The following CGRRF1 variants were observed in gnomAD, a reference collection of about 807,000 sequenced individuals.
CGRRF1 encodes cell growth regulator with ring finger domain 1.
Under a neutral mutation model 37.2 loss-of-function variants are expected in CGRRF1, and 32 were observed. The ratio of observed to expected loss-of-function variants is 0.86; its 90% confidence interval spans 0.65 to 1.16. CGRRF1 has a LOEUF of 1.16. Among genes scored for constraint, CGRRF1 ranks in the 50% most tolerant of loss-of-function variants. The pLI, the probability that CGRRF1 is intolerant of heterozygous loss-of-function variation, is 0.00. For missense variants in CGRRF1, 391 were observed against 382.6 expected, an observed-to-expected ratio of 1.02 and a Z score of -0.18; for synonymous variants, 141 against 140.3, an observed-to-expected ratio of 1.00 and a Z score of -0.04.
intron 1 of CGRRF1, among the ~76,000 whole-genome samples, chr14:54,513,613 T>TATGTA (rs1171468758): frequency 8.2e-5 from 5 of 61,312 alleles, no homozygotes; most frequent in South Asian, 4.3e-4. Flanking sequence ...TATGTTATGT[T>TATGTA]ATGTAATGTT....
At chr14:54,532,862 C>T (rs1167548507) in intron 4 of CGRRF1, among the ~76,000 whole-genome samples, 1 of 152,004 alleles carries the variant, frequency 6.6e-6, no homozygotes, top group African/African-American at 2.4e-5. Context: ...TAAATAAAAC[C>T]TGTTAAATTG....
chr14:54,531,085 A>C, intron 4 of CGRRF1, 35 bp downstream of exon 4: 1 of 1,467,876 alleles, frequency 6.8e-7, no homozygotes, highest in Non-Finnish European at 9.4e-7. Flanking sequence ...CATTACCTTT[A>C]AGTGATTTGA....
intron 4 of CGRRF1, among the ~76,000 whole-genome samples, chr14:54,533,991 A>G (rs1466827111): frequency 6.6e-6 from 1 of 152,192 alleles, no homozygotes; most frequent in Non-Finnish European, 1.5e-5. Flanking sequence ...ATTTTATACT[A>G]TTTTGTGACC....
At chr14:54,525,259 G>T (rs1594652135) in intron 2 of CGRRF1, among the ~76,000 whole-genome samples, 2 of 152,208 alleles carry the variant, frequency 1.3e-5, no homozygotes, top group East Asian at 3.8e-4. Context: ...CTGATACATT[G>T]TGAGCAAAAC....
At chr14:54,527,330 TG>T (rs1164507670) in intron 2 of CGRRF1, among the ~76,000 whole-genome samples, 1 of 152,198 alleles carries the variant, frequency 6.6e-6, no homozygotes, top group East Asian at 1.9e-4. Context: ...TGGACAAGTT[TG>T]TAAAAGATTA....
At chr14:54,537,633 G>A (rs1030962722) in intron 4 of CGRRF1, 89 bp from the exon 5 acceptor site, 19 of 1,287,358 alleles carry the variant, frequency 1.5e-5, no homozygotes, top group South Asian at 7.0e-5. Flanking sequence ...AGAAGACAGT[G>A]TCTAGAAGCA....
chr14:54,512,188 G>T (rs2032140483), intron 1 of CGRRF1, among the ~76,000 whole-genome samples: 1 of 152,066 alleles, frequency 6.6e-6, no homozygotes, highest in Non-Finnish European at 1.5e-5. Context: ...TGTGTTTTCT[G>T]TCATGGTTTT....
chr14:54,538,072 A>G lies in CGRRF1; in HGVS notation c.688A>G (p.Met230Val). The G allele has an allele frequency of 2.5e-6, 4 of 1,597,912 alleles. No individual in the cohort carries two copies. Among genetic ancestry groups the G allele is most frequent in the Non-Finnish European group, 3.4e-6 (4 of 1,174,178 alleles). Reference protein sequence around the residue: ...GQFHDLKQLFMSANNNFTPSN... With the variant: ...GQFHDLKQLFVSANNNFTPSN... ...TTTCTTTGATTTTCAGCAACTTTTCATGTCTGCAAATAATAATTTCACTCC... is the reference window on the plus strand; with the variant it reads ...TTTCTTTGATTTTCAGCAACTTTTCGTGTCTGCAAATAATAATTTCACTCC... Residue 230 changes from methionine (M) to valine (V), a missense_variant, in exon 6 of 6, where the codon ATG (methionine) becomes GTG (valine). Transcript: ENST00000216420.
intron 4 of CGRRF1, 50 bp downstream of exon 4, chr14:54,531,100 T>A (rs1329895579): frequency 7.4e-6 from 10 of 1,349,110 alleles, no homozygotes; most frequent in Non-Finnish European, 9.3e-6. Context: ...ATTTGAATGG[T>A]GGTTCTTCAT....
Position 54,520,701 on chromosome 14 carries a change from T to C in CGRRF1, c.105-1753T>C, listed in dbSNP as rs139069749. ...GGCTTCTTTTGCATAGCACGATGTTTCTGAAATTTATCCATTTGATTGTAG... is the reference window on the plus strand; with the variant it reads ...GGCTTCTTTTGCATAGCACGATGTTCCTGAAATTTATCCATTTGATTGTAG... On this transcript the variant is annotated intron_variant, in intron 1 of 5. Transcript: ENST00000216420. Among the ~76,000 whole-genome samples, 525 of 152,356 alleles carry C rather than the reference T, an allele frequency of 3.4e-3. 1 individual carries two copies. The highest frequency in any genetic ancestry group is 0.012 in the African/African-American group (481 of 41,570).
intron 1 of CGRRF1, among the ~76,000 whole-genome samples, chr14:54,513,692 T>G (rs536043076): frequency 6.6e-6 from 1 of 152,148 alleles, no homozygotes; most frequent in African/African-American, 2.4e-5. Flanking sequence ...AGTGGCATGA[T>G]TTTGGCTCAC....
At chr14:54,524,775 C>T (rs1319921877) in intron 2 of CGRRF1, among the ~76,000 whole-genome samples, 1 of 152,110 alleles carries the variant, frequency 6.6e-6, no homozygotes, top group African/African-American at 2.4e-5. Context: ...AGGATCTCGG[C>T]CACTCCCCTC....
intron 4 of CGRRF1, among the ~76,000 whole-genome samples, chr14:54,533,775 C>T (rs1434792193): frequency 6.6e-6 from 1 of 151,684 alleles, no homozygotes; most frequent in Admixed American, 6.6e-5. Context: ...AAAATTTTTT[C>T]ATTTTTAGTT....
chr14:54,528,211 T>C (rs1292664445), intron 2 of CGRRF1, among the ~76,000 whole-genome samples: 1 of 150,352 alleles, frequency 6.7e-6, no homozygotes, highest in Non-Finnish European at 1.5e-5. Context: ...CAATTCTTTT[T>C]TTTTTTTTTT....
In CGRRF1 at chr14:54,538,139, GT is replaced by G; in HGVS notation, c.758del (p.Leu253CysfsTer30). 6.2e-7 allele frequency: 1 copy of G among 1,614,092 alleles called. No individual in the cohort carries two copies. The highest frequency in any genetic ancestry group is 1.7e-5 in the Admixed American group (1 of 60,020). ...SSSEEKNTDRSLLEKVGLSES... is the reference protein window; with the variant it reads ...SSSEEKNTDRXLLEKVGLSES... ...TCAGAAGAAAAAAACACAGACAGAAGTTTGTTGGAAAAGGTGGGACTCTCTG... is the reference window on the plus strand; with the variant it reads ...TCAGAAGAAAAAAACACAGACAGAAGTTGTTGGAAAAGGTGGGACTCTCTG... On this transcript the variant is annotated frameshift_variant, in exon 6 of 6. Transcript: ENST00000216420. LOFTEE classifies it high-confidence loss of function.
In CGRRF1 at chr14:54,522,513, G is replaced by A; in HGVS notation, c.164G>A (p.Arg55Lys). Residue 55 changes from arginine (R) to lysine (K), a missense_variant, in exon 2 of 6, where the codon AGA becomes AAA. Physicochemically the swap from Arg to Lys is conservative, Grantham distance 26 (BLOSUM62 2). Transcript: ENST00000216420. ...TCAGAAGAGACCCAGTTCAGCACAA[G>A]AGTTTTCAAAAAGCAAATGAGACAA... ...RNSEETQFST[R>K]VFKKQMRQVK... 6.2e-7 allele frequency: 1 copy of A among 1,609,518 alleles called. No homozygotes were observed. The highest frequency in any genetic ancestry group is 8.5e-7 in the Non-Finnish European group (1 of 1,178,218).
chr14:54,536,941 A>G (rs1334561283), intron 4 of CGRRF1: 1 of 152,074 alleles, frequency 6.6e-6, no homozygotes, highest in Non-Finnish European at 1.5e-5. Flanking sequence ...ATTTTCTTCT[A>G]GTACTTGTAC....
At chr14:54,532,459 T>C (rs2032531266) in intron 4 of CGRRF1, among the ~76,000 whole-genome samples, 1 of 152,072 alleles carries the variant, frequency 6.6e-6, no homozygotes, top group Non-Finnish European at 1.5e-5. Flanking sequence ...GGTATTGCTT[T>C]TGGGATTTTT....
chr14:54,526,932 G>A (rs1299172894), intron 2 of CGRRF1, among the ~76,000 whole-genome samples: 24 of 151,936 alleles, frequency 1.6e-4, no homozygotes, highest in South Asian at 2.1e-4. Context: ...TGGCTTTTCC[G>A]CCCCATCATT....
Sources: gnomAD v4.1 joint callset for allele counts (sites outside exome capture counted in the v4.1 genomes callset) on GRCh38, gnomAD v4.1.1 for gene constraint, MANE v1.5 for transcripts, NCBI Gene and HGNC (gene_info 2026-07-23, HGNC 2026-07-21) for gene names.